The following NXPE4 variants were observed in gnomAD, a reference collection of about 807,000 sequenced individuals.
The protein encoded by NXPE4 is neurexophilin and PC-esterase domain family member 4, also known as NXPE family member 4.
A neutral mutation model predicts 33.3 loss-of-function variants in NXPE4; 42 were observed. The observed-to-expected ratio is 1.26, with a 90% CI of 0.98 to 1.63. NXPE4 has a LOEUF of 1.63. NXPE4 is among the 40% of genes most tolerant of loss of function. The pLI is 0.00. For missense variants in NXPE4, 709 were observed against 647.6 expected, an observed-to-expected ratio of 1.09 and a Z score of -1.03; for synonymous variants, 253 against 234.9, an observed-to-expected ratio of 1.08 and a Z score of -0.71.
the NXPE4 span, among the ~76,000 whole-genome samples, chr11:114,604,494 G>T: frequency 1.2e-4 from 18 of 151,898 alleles, no homozygotes; most frequent in African/African-American, 3.9e-4. Context: ...TGGATAATAA[G>T]TGTTGCCTCT....
the NXPE4 span, among the ~76,000 whole-genome samples, chr11:114,635,400 T>C: frequency 2.0e-5 from 3 of 151,232 alleles, no homozygotes; most frequent in Non-Finnish European, 4.4e-5. Context: ...TACAATCATG[T>C]CGTCTGCAAA....
the NXPE4 span, among the ~76,000 whole-genome samples, chr11:114,600,997 G>A: frequency 6.6e-6 from 1 of 151,840 alleles, no homozygotes; most frequent in Non-Finnish European, 1.5e-5. Flanking sequence ...CCATCATTTC[G>A]AACAGGTTGA....
At chr11:114,667,158 C>A in the NXPE4 span, among the ~76,000 whole-genome samples, 5 of 152,058 alleles carry the variant, frequency 3.3e-5, no homozygotes, top group African/African-American at 7.2e-5. Context: ...ACGTGAAGAT[C>A]CAGGTCCTGA....
At chr11:114,607,876 T>G in the NXPE4 span, among the ~76,000 whole-genome samples, 150 of 152,062 alleles carry the variant, frequency 9.9e-4, 1 homozygote, top group Non-Finnish European at 1.8e-3. Flanking sequence ...ACCTGGTGGA[T>G]AGTAAGTACT....
the NXPE4 span, among the ~76,000 whole-genome samples, chr11:114,648,656 C>T: frequency 6.6e-6 from 1 of 152,180 alleles, no homozygotes; most frequent in South Asian, 2.1e-4. Flanking sequence ...ATATGCATCT[C>T]CTTAAGTCAT....
the NXPE4 span, among the ~76,000 whole-genome samples, chr11:114,615,132 A>T: frequency 0.092 from 13,980 of 151,938 alleles, 765 homozygotes; most frequent in Middle Eastern, 0.2. Context: ...GGTGCATAAT[A>T]AGTGTTACCT....
the NXPE4 span, among the ~76,000 whole-genome samples, chr11:114,627,009 T>C: frequency 6.6e-6 from 1 of 151,048 alleles, no homozygotes; most frequent in South Asian, 2.1e-4. Context: ...CCGAGAAATA[T>C]GGGACTATGT....
At chr11:114,618,192 G>T in the NXPE4 span, among the ~76,000 whole-genome samples, 1 of 152,020 alleles carries the variant, frequency 6.6e-6, no homozygotes, top group Non-Finnish European at 1.5e-5. Flanking sequence ...TGGATACTAA[G>T]TATTGCCTCA....
At chr11:114,622,874 T>G in the NXPE4 span, among the ~76,000 whole-genome samples, 3 of 147,706 alleles carry the variant, frequency 2.0e-5, no homozygotes, top group Non-Finnish European at 4.5e-5. Context: ...GTTAACCAGT[T>G]GATAATAAGT....
At chr11:114,612,269 G>T in the NXPE4 span, among the ~76,000 whole-genome samples, 4 of 151,902 alleles carry the variant, frequency 2.6e-5, no homozygotes, top group Non-Finnish European at 1.5e-5. Context: ...TGCCTCTTCA[G>T]TAACCACTAT....
chr11:114,610,259 A>T, the NXPE4 span, among the ~76,000 whole-genome samples: 1 of 151,864 alleles, frequency 6.6e-6, no homozygotes, highest in Admixed American at 6.6e-5. Flanking sequence ...TACCCTCTGG[A>T]TAATAGGTGT....
chr11:114,591,180 C>T (rs1949443446), intron 2 of NXPE4, among the ~76,000 whole-genome samples: 1 of 152,212 alleles, frequency 6.6e-6, no homozygotes, highest in South Asian at 2.1e-4. Flanking sequence ...GTGCACCTCT[C>T]TATCCAGGCA....
the NXPE4 span, among the ~76,000 whole-genome samples, chr11:114,643,959 C>G: frequency 6.6e-6 from 1 of 151,804 alleles, no homozygotes; most frequent in South Asian, 2.1e-4. Context: ...TTTGTAGTTC[C>G]CCTTGAAGAG....
At chr11:114,602,998 A>C in the NXPE4 span, among the ~76,000 whole-genome samples, 1 of 151,072 alleles carries the variant, frequency 6.6e-6, no homozygotes, top group Non-Finnish European at 1.5e-5. Context: ...ATATAATTAC[A>C]GAATCATATA....
the NXPE4 span, among the ~76,000 whole-genome samples, chr11:114,665,418 A>G: frequency 6.6e-6 from 1 of 152,178 alleles, no homozygotes; most frequent in African/African-American, 2.4e-5. Context: ...ACCTGATTTC[A>G]ATCCCATTTT....
At chr11:114,633,271 G>T in the NXPE4 span, among the ~76,000 whole-genome samples, 1 of 132,898 alleles carries the variant, frequency 7.5e-6, no homozygotes, top group Admixed American at 8.1e-5. Flanking sequence ...ATGTTATATA[G>T]TATTATGTTA....
chr11:114,677,540 T>C, the NXPE4 span, among the ~76,000 whole-genome samples: 1 of 152,052 alleles, frequency 6.6e-6, no homozygotes, highest in African/African-American at 2.4e-5. Context: ...ATCCATATCT[T>C]TTTTCTTTCA....
chr11:114,605,011 G>A, the NXPE4 span, among the ~76,000 whole-genome samples: 3 of 151,902 alleles, frequency 2.0e-5, no homozygotes, highest in South Asian at 6.2e-4. Flanking sequence ...TTGCCTCACA[G>A]GTAACCACTG....
the NXPE4 span, among the ~76,000 whole-genome samples, chr11:114,650,220 G>A: frequency 1.3e-5 from 2 of 152,164 alleles, no homozygotes; most frequent in African/African-American, 4.8e-5. Flanking sequence ...TTCATCTTTG[G>A]TAGAGCACAG....
Sources: gnomAD v4.1 joint callset for allele counts (sites outside exome capture counted in the v4.1 genomes callset) on GRCh38, gnomAD v4.1.1 for gene constraint, MANE v1.5 for transcripts, NCBI Gene and HGNC (gene_info 2026-07-23, HGNC 2026-07-21) for gene names.